EGFR: variants seen among roughly 807,000 people sequenced by gnomAD.
EGFR encodes the protein epidermal growth factor receptor.
A neutral mutation model predicts 143.0 loss-of-function variants in EGFR; 58 were observed. That is an observed-to-expected ratio of 0.41 (90% CI 0.33 to 0.50). The LOEUF is 0.50. EGFR is among the 20% of genes least tolerant of loss of function. EGFR has a pLI of 0.39. For synonymous variants in EGFR, 613 were observed against 594.4 expected (o/e 1.03, Z -0.45); for missense variants, 1,307 against 1,579.0 (o/e 0.83, Z 2.92).
chr7:55,115,036 C>T (rs1409552660), intron 1 of EGFR, among the ~76,000 whole-genome samples: 3 of 151,934 alleles, frequency 2.0e-5, no homozygotes, highest in Non-Finnish European at 4.4e-5. Flanking sequence ...TGCCCGCCAC[C>T]GCGCCGGGCT....
intron 7 of EGFR, among the ~76,000 whole-genome samples, chr7:55,154,713 G>A (rs1367195395): frequency 1.3e-5 from 2 of 152,124 alleles, no homozygotes; most frequent in East Asian, 3.9e-4. Flanking sequence ...CATTTGTACT[G>A]GTGGCTCCAG....
At chr7:55,181,812 T>G (rs888847497) in intron 20 of EGFR, 4 of 379,606 alleles carry the variant, frequency 1.1e-5, no homozygotes, top group Non-Finnish European at 1.5e-5. Context: ...GGAATATTGC[T>G]TCCCCCATTC....
Position 55,174,753 on chromosome 7 carries a change from A to T in EGFR, c.2216A>T (p.Lys739Ile). The T allele has an allele frequency of 6.2e-7, 1 of 1,614,058 alleles. No homozygotes were observed. The highest frequency in any genetic ancestry group is 8.5e-7 in the Non-Finnish European group (1 of 1,179,956). ...TGGATCCCAGAAGGTGAGAAAGTTAAAATTCCCGTCGCTATCAAGGAATTA... is the reference window on the plus strand; with the variant it reads ...TGGATCCCAGAAGGTGAGAAAGTTATAATTCCCGTCGCTATCAAGGAATTA... Reference protein sequence around the residue: ...GLWIPEGEKVKIPVAIKELRE... With the variant: ...GLWIPEGEKVIIPVAIKELRE... Residue 739 changes from lysine to isoleucine, a missense_variant, in exon 19 of 28, where the codon AAA becomes ATA. By Grantham distance (102) the Lys-to-Ile change is moderately radical. Transcript: ENST00000275493.
Position 55,187,582 on chromosome 7 carries a change from G to C in EGFR, c.2470-4137G>C, listed in dbSNP as rs994255269. Among the ~76,000 whole-genome samples, 8 of 152,188 alleles carry C rather than the reference G, an allele frequency of 5.3e-5. 1 individual carries two copies. The South Asian group carries it at 1.7e-3, about 32-fold the overall frequency. ...CTGACACTTTCCTGCCTCTTCCGAGGTCTAGCACTTACTCTATGCCTGCCT... is the reference window on the plus strand; with the variant it reads ...CTGACACTTTCCTGCCTCTTCCGAGCTCTAGCACTTACTCTATGCCTGCCT... On this transcript the variant is annotated intron_variant, in intron 20 of 27. Coordinates refer to ENST00000275493, the MANE Select transcript of EGFR (RefSeq NM_005228.5).
At chr7:55,020,897 A>T (rs1209531492) in intron 1 of EGFR, among the ~76,000 whole-genome samples, 2 of 151,366 alleles carry the variant, frequency 1.3e-5, no homozygotes, top group East Asian at 3.9e-4. Flanking sequence ...AAAAAAAAAA[A>T]ATCAAAACAA....
chr7:55,171,332 T>C, intron 16 of EGFR, 119 bp downstream of exon 16: 1 of 1,403,400 alleles, frequency 7.1e-7, no homozygotes, highest in East Asian at 2.3e-5. Context: ...TCTATGGCTC[T>C]GGGCCAGCCT....
intron 20 of EGFR, among the ~76,000 whole-genome samples, chr7:55,185,732 C>T (rs2075106): frequency 0.56 from 85,576 of 152,082 alleles, 24,688 homozygotes; most frequent in Middle Eastern, 0.69. Flanking sequence ...TGGTGAACAA[C>T]GCACGGTAGC....
chr7:55,153,952 C>A, intron 6 of EGFR, 59 bp from the exon 7 acceptor site: 1 of 1,612,510 alleles, frequency 6.2e-7, no homozygotes, highest in South Asian at 1.1e-5. Flanking sequence ...GCGCTTCCTC[C>A]GTGTGTGGCG....
chr7:55,050,888 C>T (rs574984112), intron 1 of EGFR, among the ~76,000 whole-genome samples: 17 of 152,310 alleles, frequency 1.1e-4, no homozygotes, highest in Middle Eastern at 3.4e-3. Context: ...ACGCCCCCTC[C>T]ATGGCCCTTC....
At chr7:55,110,037 G>C in intron 1 of EGFR, 1 of 756,794 alleles carries the variant, frequency 1.3e-6, no homozygotes, top group Non-Finnish European at 1.6e-6. Flanking sequence ...GTTGTTATGA[G>C]GCATCACATG....
rs562803260 is a variant in EGFR at position 55,177,810 on chromosome 7, C to T, written c.2283+2990C>T. 3.3e-5 allele frequency among the ~76,000 whole-genome samples: 5 copies of T among 152,366 alleles called. No homozygotes were observed. The South Asian group carries it at 1.0e-3, about 32-fold the overall frequency. On this transcript the variant is annotated intron_variant, in intron 19 of 27. Coordinates refer to ENST00000275493, the MANE Select transcript of EGFR (RefSeq NM_005228.5). ...TGCCAGCCTGTGGGTGCTGGGGCTCCACGAAGATTGTTGTGGAATACCAAG... is the reference window on the plus strand; with the variant it reads ...TGCCAGCCTGTGGGTGCTGGGGCTCTACGAAGATTGTTGTGGAATACCAAG...
chr7:55,117,648 G>A (rs1275266859), intron 1 of EGFR, among the ~76,000 whole-genome samples: 2 of 152,184 alleles, frequency 1.3e-5, no homozygotes, highest in South Asian at 2.1e-4. Flanking sequence ...ATACTGCTGC[G>A]ATCAAGTCCT....
chr7:55,204,469 TACAC>T (rs991858358), intron 27 of EGFR, among the ~76,000 whole-genome samples: 4 of 126,082 alleles, frequency 3.2e-5, no homozygotes, highest in Non-Finnish European at 5.0e-5. Context: ...CACACACAAA[TACAC>T]ACACCACACA....
chr7:55,106,408 A>C (rs1006896887), intron 1 of EGFR, among the ~76,000 whole-genome samples: 3 of 152,232 alleles, frequency 2.0e-5, no homozygotes, highest in African/African-American at 7.2e-5. Flanking sequence ...GGGCAAGCCC[A>C]CCTTTTCCCT....
At chr7:55,035,522 A>G (rs957161430) in intron 1 of EGFR, among the ~76,000 whole-genome samples, 1 of 145,288 alleles carries the variant, frequency 6.9e-6, no homozygotes, top group Non-Finnish European at 1.5e-5. Flanking sequence ...AAAAAAAAAA[A>G]CAAAAAAAAA....
chr7:55,110,419 G>A (rs905102967), intron 1 of EGFR, among the ~76,000 whole-genome samples: 2 of 152,142 alleles, frequency 1.3e-5, no homozygotes, highest in East Asian at 1.9e-4. Context: ...TCTGCGGGGC[G>A]TCCTCACACA....
intron 20 of EGFR, chr7:55,182,014 C>G (rs1297310966): frequency 5.2e-6 from 1 of 192,038 alleles, no homozygotes; most frequent in Non-Finnish European, 1.1e-5. Flanking sequence ...GCTCCAGAGC[C>G]AGGGCGGGGC....
chr7:55,196,885 G>C (rs1007274181), intron 22 of EGFR, among the ~76,000 whole-genome samples: 29 of 151,616 alleles, frequency 1.9e-4, no homozygotes, highest in African/African-American at 4.8e-4. Context: ...GTCTGTTTCT[G>C]TACTAGTACC....
chr7:55,085,606 C>T (rs898462993), intron 1 of EGFR, among the ~76,000 whole-genome samples: 1 of 152,214 alleles, frequency 6.6e-6, no homozygotes, highest in Admixed American at 6.5e-5. Flanking sequence ...TTTCTGAAAA[C>T]TCCTGCTGAA....
Sources: allele counts gnomAD v4.1 joint callset (sites outside exome capture counted in the v4.1 genomes callset), GRCh38; gene constraint gnomAD v4.1.1; transcripts MANE v1.5; gene names NCBI Gene and HGNC (gene_info 2026-07-23, HGNC 2026-07-21).